The following GABRG3 variants were observed in gnomAD, a reference collection of about 807,000 sequenced individuals.
GABRG3 encodes the protein gamma-aminobutyric acid receptor subunit gamma-3.
Under a neutral mutation model 48.8 loss-of-function variants are expected in GABRG3, and 25 were observed. That is an observed-to-expected ratio of 0.51 (90% confidence interval 0.37 to 0.72). The LOEUF is 0.72. Ranked by LOEUF, GABRG3 falls within the 30% of genes least tolerant of loss-of-function variation. The pLI, the probability that GABRG3 is intolerant of heterozygous loss-of-function variation, is 0.00. For missense variants in GABRG3, 394 were observed against 577.9 expected, an observed-to-expected ratio of 0.68 and a Z score of 3.26; for synonymous variants, 227 against 217.6, an observed-to-expected ratio of 1.04 and a Z score of -0.38.
chr15:27,405,721 C>T (rs1230427632), intron 5 of GABRG3, among the ~76,000 whole-genome samples: 2 of 151,994 alleles, frequency 1.3e-5, no homozygotes, highest in East Asian at 1.9e-4. Context: ...TGTTTGTGTG[C>T]TGAGAGGGTT....
intron 3 of GABRG3, among the ~76,000 whole-genome samples, chr15:27,253,890 G>A (rs1419500451): frequency 6.6e-6 from 1 of 152,236 alleles, no homozygotes; most frequent in East Asian, 1.9e-4. Flanking sequence ...TTCACATTAA[G>A]GAGAGGAATG....
chr15:27,065,448 C>T (rs555605444), intron 3 of GABRG3, among the ~76,000 whole-genome samples: 32 of 152,246 alleles, frequency 2.1e-4, no homozygotes, highest in Non-Finnish European at 3.8e-4. Flanking sequence ...GGATGTTTCC[C>T]GATGGTGAGG....
At chr15:27,053,830 A>G (rs1271662260) in intron 3 of GABRG3, among the ~76,000 whole-genome samples, 1 of 152,236 alleles carries the variant, frequency 6.6e-6, no homozygotes, top group Non-Finnish European at 1.5e-5. Context: ...AGCTACATGG[A>G]TGGGAAGGTG....
intron 5 of GABRG3, among the ~76,000 whole-genome samples, chr15:27,469,188 A>C (rs1218278223): frequency 6.6e-6 from 1 of 152,044 alleles, no homozygotes; most frequent in East Asian, 1.9e-4. Context: ...AATTACACAA[A>C]GTTAGTATGG....
intron 3 of GABRG3, among the ~76,000 whole-genome samples, chr15:27,083,731 A>C (rs1176104666): frequency 6.6e-6 from 1 of 152,146 alleles, no homozygotes; most frequent in African/African-American, 2.4e-5. Flanking sequence ...CTACATATGG[A>C]TCATTCTTTC....
At chr15:27,396,980 T>C (rs1315544496) in intron 5 of GABRG3, among the ~76,000 whole-genome samples, 2 of 152,084 alleles carry the variant, frequency 1.3e-5, no homozygotes, top group African/African-American at 2.4e-5. Flanking sequence ...AGAGGTAGCA[T>C]GGGAAAATGT....
At chr15:27,282,883 AC>A (rs1193223746) in intron 3 of GABRG3, among the ~76,000 whole-genome samples, 1 of 151,694 alleles carries the variant, frequency 6.6e-6, no homozygotes, top group Non-Finnish European at 1.5e-5. Flanking sequence ...CTAGGTGGAC[AC>A]CCCCCCAGCC....
At chr15:27,411,024 C>A (rs1887781706) in intron 5 of GABRG3, among the ~76,000 whole-genome samples, 1 of 152,098 alleles carries the variant, frequency 6.6e-6, no homozygotes, top group African/African-American at 2.4e-5. Flanking sequence ...CTGGGCATGC[C>A]TACAGCCCTG....
intron 5 of GABRG3, among the ~76,000 whole-genome samples, chr15:27,394,990 A>G (rs987448926): frequency 1.3e-5 from 2 of 152,130 alleles, no homozygotes; most frequent in African/African-American, 4.8e-5. Context: ...ATGCTGATTA[A>G]CTTTTTATAT....
At chr15:27,365,068 T>G in intron 5 of GABRG3, 1 of 152,128 alleles carries the variant, frequency 6.6e-6, no homozygotes, top group East Asian at 1.9e-4. Flanking sequence ...AGATAAGGTT[T>G]GGTTTAATTT....
At position 27,465,553 on chromosome 15, in the gene GABRG3, C is replaced by A. The variant is rs115980955; in HGVS notation, c.575-15097C>A. On this transcript the variant is annotated intron_variant, in intron 5 of 9. Transcript: ENST00000615808. Reference sequence around the variant, plus strand: ...TTTTATACCGAATTCCCTATTTCTGCCTCTTTTTGAAAGGCCAGATGATTT... The same window carrying A: ...TTTTATACCGAATTCCCTATTTCTGACTCTTTTTGAAAGGCCAGATGATTT... 3.9e-3 allele frequency among the ~76,000 whole-genome samples: 588 copies of A among 152,314 alleles called. 4 individuals carry two copies. Among genetic ancestry groups the A allele is most frequent in the African/African-American group, 0.013 (548 of 41,570 alleles).
At chr15:27,295,975 G>A (rs911059319) in intron 3 of GABRG3, among the ~76,000 whole-genome samples, 33 of 152,158 alleles carry the variant, frequency 2.2e-4, no homozygotes, top group Admixed American at 1.1e-3. Flanking sequence ...GCCTTTCCTG[G>A]TGTGGAACCT....
intron 5 of GABRG3, among the ~76,000 whole-genome samples, chr15:27,443,983 AATCATTTATTGCT>A (rs1425426322): frequency 2.0e-5 from 3 of 152,194 alleles, no homozygotes; most frequent in East Asian, 1.9e-4. Context: ...TTCCTGGGGT[AATCATTTATTGCT>A]ATCATTTATT....
intron 3 of GABRG3, among the ~76,000 whole-genome samples, chr15:27,301,736 A>C (rs1216700681): frequency 6.6e-6 from 1 of 152,178 alleles, no homozygotes; most frequent in Non-Finnish European, 1.5e-5. Flanking sequence ...GTAGATGACT[A>C]AAACCTAAAG....
chr15:27,315,908 A>G (rs1237364275), intron 3 of GABRG3, among the ~76,000 whole-genome samples: 3 of 152,140 alleles, frequency 2.0e-5, no homozygotes, highest in African/African-American at 7.2e-5. Flanking sequence ...GAAAATATCC[A>G]TCTCTTGGTC....
At chr15:27,125,221 T>C (rs1897798772) in intron 3 of GABRG3, among the ~76,000 whole-genome samples, 1 of 152,118 alleles carries the variant, frequency 6.6e-6, no homozygotes, top group South Asian at 2.1e-4. Flanking sequence ...AATTCAAAGA[T>C]AGGTAAAGAA....
chr15:27,252,239 G>A (rs966854843), intron 3 of GABRG3, among the ~76,000 whole-genome samples: 3 of 152,130 alleles, frequency 2.0e-5, no homozygotes, highest in African/African-American at 4.8e-5. Context: ...CCTTCTCACC[G>A]ATGTGTCCCT....
chr15:27,360,162 G>A (rs892361132), intron 5 of GABRG3, among the ~76,000 whole-genome samples: 1 of 152,138 alleles, frequency 6.6e-6, no homozygotes, highest in African/African-American at 2.4e-5. Context: ...CAGGCCCTGC[G>A]GAGGACAGGG....
At chr15:27,070,911 C>T (rs967194119) in intron 3 of GABRG3, among the ~76,000 whole-genome samples, 1 of 152,210 alleles carries the variant, frequency 6.6e-6, no homozygotes, top group African/African-American at 2.4e-5. Flanking sequence ...TGGCTGAACC[C>T]AGCTCCGCTT....
Sources: gnomAD v4.1 joint callset for allele counts (sites outside exome capture counted in the v4.1 genomes callset) on GRCh38, gnomAD v4.1.1 for gene constraint, MANE v1.5 for transcripts, NCBI Gene and HGNC (gene_info 2026-07-23, HGNC 2026-07-21) for gene names.